EYS: variants seen among roughly 807,000 people sequenced by gnomAD.
EYS encodes the protein protein eyes shut homolog.
A neutral mutation model predicts 282.1 loss-of-function variants in EYS; 250 were observed. The observed-to-expected ratio is 0.89, with a 90% CI of 0.80 to 0.98. EYS has a LOEUF of 0.98. Ranked by LOEUF, EYS falls within the 50% of genes least tolerant of loss-of-function variation. The pLI, the probability that EYS is intolerant of heterozygous loss-of-function variation, is 0.00. For missense variants in EYS, 4,016 were observed against 3,709.0 expected (o/e 1.08, Z -2.15); for synonymous variants, 1,355 against 1,282.9 (o/e 1.06, Z -1.20).
intron 35 of EYS, among the ~76,000 whole-genome samples, chr6:63,943,824 A>C (rs1434773007): frequency 2.0e-5 from 3 of 152,188 alleles, no homozygotes; most frequent in Non-Finnish European, 4.4e-5. Flanking sequence ...TTGCTTACCT[A>C]GTTTCCTTTG....
At chr6:64,540,561 C>A (rs1432644074) in intron 26 of EYS, among the ~76,000 whole-genome samples, 1 of 144,196 alleles carries the variant, frequency 6.9e-6, no homozygotes, top group Non-Finnish European at 1.5e-5. Context: ...CGGCTCACTG[C>A]AACCTCTGCT....
At chr6:65,266,487 AATGAATGAATGAATGG>A (rs1160486909) in intron 12 of EYS, among the ~76,000 whole-genome samples, 1 of 151,938 alleles carries the variant, frequency 6.6e-6, no homozygotes, top group Non-Finnish European at 1.5e-5. Flanking sequence ...TGCATGAATG[AATGAATGAATGAATGG>A]ATGAATGAAT....
rs140046270 is a variant in EYS at position 64,746,751 on chromosome 6, A to G, written c.3443+66627T>C. Among the ~76,000 whole-genome samples the G allele has an allele frequency of 2.6e-3, 399 of 152,326 alleles. 3 individuals are homozygous for G. The highest frequency in any genetic ancestry group is 8.9e-3 in the African/African-American group (368 of 41,574). ...ATAGGCTGATGTGCTTTTGTGGAGG[A>G]TAAAGCAACTTTGTCAGTTCATCCA... On this transcript the variant is annotated intron_variant, in intron 22 of 42. Coordinates refer to ENST00000503581, the MANE Select transcript of EYS (RefSeq NM_001142800.2).
intron 30 of EYS, among the ~76,000 whole-genome samples, chr6:64,255,146 G>C (rs1767347212): frequency 6.6e-6 from 1 of 150,544 alleles, no homozygotes; most frequent in African/African-American, 2.5e-5. Context: ...TGTTGACCAT[G>C]ATAATTGCAA....
intron 12 of EYS, among the ~76,000 whole-genome samples, chr6:65,279,190 A>AT (rs199849774): frequency 2.7e-5 from 4 of 149,270 alleles, no homozygotes; most frequent in African/African-American, 9.8e-5. Context: ...CTCTGGCTCT[A>AT]TAAAAAAAAA....
intron 35 of EYS, among the ~76,000 whole-genome samples, chr6:63,903,467 G>A (rs1269717443): frequency 6.6e-6 from 1 of 152,128 alleles, no homozygotes; most frequent in Admixed American, 6.6e-5. Flanking sequence ...TGGCACTTAG[G>A]TACTTAACTT....
chr6:65,359,951 G>C (rs1582184591), intron 8 of EYS, among the ~76,000 whole-genome samples: 1 of 151,634 alleles, frequency 6.6e-6, no homozygotes, highest in South Asian at 2.1e-4. Context: ...ATTCTCACAG[G>C]TCTAAGACAT....
intron 12 of EYS, among the ~76,000 whole-genome samples, chr6:65,251,325 G>T (rs373974009): frequency 1.3e-5 from 2 of 151,322 alleles, no homozygotes; most frequent in African/African-American, 4.8e-5. Flanking sequence ...TTTGATCAAC[G>T]TATGTAAAAT....
chr6:64,284,990 A>G (rs1768444991), intron 30 of EYS, among the ~76,000 whole-genome samples: 1 of 152,068 alleles, frequency 6.6e-6, no homozygotes, highest in Admixed American at 6.6e-5. Flanking sequence ...TGTCCTGGAG[A>G]TACCTTCCCC....
intron 8 of EYS, among the ~76,000 whole-genome samples, chr6:65,371,890 T>C (rs1324567211): frequency 1.3e-5 from 2 of 151,696 alleles, no homozygotes; most frequent in African/African-American, 4.8e-5. Flanking sequence ...ATTTAAAACT[T>C]TTAATCCTAC....
chr6:64,045,781 C>G (rs573740900), intron 33 of EYS, among the ~76,000 whole-genome samples: 5 of 150,356 alleles, frequency 3.3e-5, no homozygotes, highest in Non-Finnish European at 5.9e-5. Flanking sequence ...AAATATTATG[C>G]AATATGTAAT....
intron 36 of EYS, among the ~76,000 whole-genome samples, chr6:63,815,736 G>A (rs1771161756): frequency 6.6e-6 from 1 of 152,050 alleles, no homozygotes; most frequent in South Asian, 2.1e-4. Context: ...ATAAAAAACT[G>A]GTTTAAAAGA....
intron 11 of EYS, among the ~76,000 whole-genome samples, chr6:65,296,698 A>G (rs1562079225): frequency 6.6e-6 from 1 of 151,804 alleles, no homozygotes; most frequent in Non-Finnish European, 1.5e-5. Flanking sequence ...TAATTCATGC[A>G]TTCATTATTT....
At position 65,443,299 on chromosome 6, in the gene EYS, CAT is replaced by C. The variant is rs759988911; in HGVS notation, c.863-37934_863-37933del. Among the ~76,000 whole-genome samples, 42 of 144,006 alleles carry C rather than the reference CAT, an allele frequency of 2.9e-4. 8 individuals are homozygous for C. Among genetic ancestry groups the C allele is most frequent in the Non-Finnish European group, 4.9e-4 (31 of 63,636 alleles). The allele number at this position is 144,006 out of a possible 152,430, so 94.5% of individuals were successfully genotyped here. On this transcript the variant is annotated intron_variant, in intron 5 of 42. Coordinates refer to ENST00000503581, the MANE Select transcript of EYS (RefSeq NM_001142800.2). ...ACATGTATGCATGCATATATGCATA[CAT>C]GTGTGTACACATATAGACATATATG...
chr6:64,856,319 AGAAAGGGTCTCACTCT>A (rs1766057467), intron 19 of EYS, among the ~76,000 whole-genome samples: 1 of 151,688 alleles, frequency 6.6e-6, no homozygotes, highest in Non-Finnish European at 1.5e-5. Flanking sequence ...TTTTTTTCCC[AGAAAGGGTCTCACTCT>A]CATCACCCAG....
At chr6:64,408,751 C>A (rs755032419) in intron 28 of EYS, among the ~76,000 whole-genome samples, 1 of 152,128 alleles carries the variant, frequency 6.6e-6, no homozygotes, top group Non-Finnish European at 1.5e-5. Flanking sequence ...GTCAATATGA[C>A]TCTTTTGTTT....
At chr6:63,776,029 A>C (rs910705005) in intron 40 of EYS, among the ~76,000 whole-genome samples, 8 of 152,208 alleles carry the variant, frequency 5.3e-5, no homozygotes, top group African/African-American at 1.7e-4. Context: ...AAAAATTTTT[A>C]GAATCCTGTA....
At chr6:64,932,511 G>A (rs769660086) in intron 15 of EYS, among the ~76,000 whole-genome samples, 3 of 151,882 alleles carry the variant, frequency 2.0e-5, no homozygotes, top group Non-Finnish European at 4.4e-5. Flanking sequence ...TTAATAACTC[G>A]GGAATTAGAT....
chr6:65,615,888 C>T (rs986969118), intron 2 of EYS, among the ~76,000 whole-genome samples: 13 of 150,392 alleles, frequency 8.6e-5, no homozygotes, highest in Non-Finnish European at 1.8e-4. Flanking sequence ...GAGCTGAGAT[C>T]GCACCACTGC....
Sources: allele counts gnomAD v4.1 joint callset (sites outside exome capture counted in the v4.1 genomes callset), GRCh38; gene constraint gnomAD v4.1.1; transcripts MANE v1.5; gene names NCBI Gene and HGNC (gene_info 2026-07-23, HGNC 2026-07-21).